The following LIMCH1 variants were observed in gnomAD, a reference collection of about 807,000 sequenced individuals.
LIMCH1 encodes the protein LIM and calponin homology domains 1.
Under a neutral mutation model 176.5 loss-of-function variants are expected in LIMCH1, and 113 were observed. The ratio of observed to expected loss-of-function variants is 0.64; its 90% CI spans 0.55 to 0.75. LIMCH1 has a LOEUF of 0.75. Ranked by LOEUF, LIMCH1 falls within the 30% of genes least tolerant of loss-of-function variation. The pLI is 0.00. For missense variants in LIMCH1, 1,674 were observed against 1,814.9 expected (o/e 0.92, Z 1.41); for synonymous variants, 619 against 645.9 (o/e 0.96, Z 0.63).
At chr4:41,543,425 T>C (rs963637024) in intron 1 of LIMCH1, among the ~76,000 whole-genome samples, 2 of 152,124 alleles carry the variant, frequency 1.3e-5, no homozygotes, top group Admixed American at 1.3e-4. Flanking sequence ...TTAAGAAAAT[T>C]GGATTTTTCA....
intron 1 of LIMCH1, among the ~76,000 whole-genome samples, chr4:41,481,446 C>T (rs962611293): frequency 1.3e-5 from 2 of 152,130 alleles, no homozygotes; most frequent in African/African-American, 4.8e-5. Flanking sequence ...TTATTTTCCT[C>T]ATCTGTAAAA....
At chr4:41,439,505 GC>G (rs2062467780) in intron 1 of LIMCH1, among the ~76,000 whole-genome samples, 1 of 152,078 alleles carries the variant, frequency 6.6e-6, no homozygotes, top group African/African-American at 2.4e-5. Flanking sequence ...GATTGTGTGA[GC>G]CCTGGAGGTC....
At chr4:41,491,635 T>C in intron 1 of LIMCH1, among the ~76,000 whole-genome samples, 1 of 136,112 alleles carries the variant, frequency 7.3e-6, no homozygotes, top group Non-Finnish European at 1.6e-5. Context: ...GCAGAGGTGC[T>C]CCTCACTTCC....
At chr4:41,608,417 AG>A (rs1216442920) in intron 4 of LIMCH1, among the ~76,000 whole-genome samples, 2 of 152,252 alleles carry the variant, frequency 1.3e-5, no homozygotes. Context: ...TTTTGTTAGG[AG>A]AGCAGATATT....
At chr4:41,361,028 C>G in intron 1 of LIMCH1, 1 of 773,128 alleles carries the variant, frequency 1.3e-6, no homozygotes, top group Non-Finnish European at 1.9e-6. Context: ...CTTGCCTCCC[C>G]CCAACCGCCC....
chr4:41,363,284 G>C (rs6447062), intron 1 of LIMCH1, among the ~76,000 whole-genome samples: 14,803 of 152,164 alleles, frequency 0.097, 1,191 homozygotes, highest in African/African-American at 0.22. Context: ...TCCCCGGGTG[G>C]GGGGGCGGAT....
intron 31 of LIMCH1, among the ~76,000 whole-genome samples, chr4:41,695,711 C>T (rs1047412624): frequency 6.6e-6 from 1 of 151,892 alleles, no homozygotes; most frequent in South Asian, 2.1e-4. Flanking sequence ...ACATTAATAT[C>T]TTTAGGCTAA....
intron 1 of LIMCH1, among the ~76,000 whole-genome samples, chr4:41,577,187 C>G (rs1259493144): frequency 6.6e-6 from 1 of 151,432 alleles, no homozygotes; most frequent in South Asian, 2.1e-4. Context: ...GTATAAAAAA[C>G]TGAAAATATT....
chr4:41,667,216 C>T (rs948887307), intron 21 of LIMCH1, among the ~76,000 whole-genome samples: 3 of 151,980 alleles, frequency 2.0e-5, no homozygotes, highest in Admixed American at 6.6e-5. Context: ...TAATTCTAGT[C>T]TTCATAAATG....
At chr4:41,569,718 AT>A (rs2083269868) in intron 1 of LIMCH1, among the ~76,000 whole-genome samples, 1 of 152,276 alleles carries the variant, frequency 6.6e-6, no homozygotes, top group African/African-American at 2.4e-5. Flanking sequence ...CAAGGACCAT[AT>A]TCAATATTGA....
At chr4:41,391,015 G>T (rs1176503414) in intron 1 of LIMCH1, among the ~76,000 whole-genome samples, 1 of 152,048 alleles carries the variant, frequency 6.6e-6, no homozygotes. Context: ...AATTAACAGT[G>T]TTTGCCACAC....
intron 3 of LIMCH1, among the ~76,000 whole-genome samples, chr4:41,524,765 G>A (rs1583483802): frequency 6.6e-6 from 1 of 152,186 alleles, no homozygotes; most frequent in East Asian, 1.9e-4. Flanking sequence ...GACCCTTGGG[G>A]GAGGAATGTG....
chr4:41,620,462 G>A lies in LIMCH1; in HGVS notation c.497G>A (p.Gly166Glu). 1 of 1,536,120 alleles carries A rather than the reference G, an allele frequency of 6.5e-7. No homozygotes were observed. The highest frequency in any genetic ancestry group is 2.4e-5 in the East Asian group (1 of 40,916). The change falls in exon 7 of 32, where the codon GGG (glycine) becomes GAG (glutamate). Residue 166 changes from glycine (G) to glutamate (E), a missense_variant. Transcript: ENST00000503057. ...ATAGAGGAAGAGGGGAGTGAAGTGGGGTCTGCTGGTGAAGACAACCCAGCT... is the reference window on the plus strand; with the variant it reads ...ATAGAGGAAGAGGGGAGTGAAGTGGAGTCTGCTGGTGAAGACAACCCAGCT... ...ETIEEEGSEV[G>E]SAGEDNPAGQ...
At chr4:41,460,478 A>ATATATATATATC (rs1410622782) in intron 1 of LIMCH1, among the ~76,000 whole-genome samples, 3 of 145,082 alleles carry the variant, frequency 2.1e-5, no homozygotes, top group African/African-American at 7.7e-5. Context: ...ATATATATAT[A>ATATATATATATC]TCTTATAATA....
At chr4:41,476,293 C>CT (rs541576133) in intron 1 of LIMCH1, among the ~76,000 whole-genome samples, 36 of 152,306 alleles carry the variant, frequency 2.4e-4, no homozygotes, top group African/African-American at 7.7e-4. Flanking sequence ...AATAACCTTG[C>CT]TTTTTTTCCT....
At chr4:41,661,394 A>G (rs759087739) in intron 18 of LIMCH1, 26 bp from the exon 19 acceptor site, 1 of 1,496,474 alleles carries the variant, frequency 6.7e-7, no homozygotes, top group South Asian at 1.1e-5. Flanking sequence ...TCATTTATTC[A>G]AGGGGGAAAA....
chr4:41,495,820 G>A (rs2072021287), intron 2 of LIMCH1, among the ~76,000 whole-genome samples: 1 of 152,118 alleles, frequency 6.6e-6, no homozygotes, highest in Non-Finnish European at 1.5e-5. Context: ...CACAGCTCCT[G>A]TCAGCATTTT....
chr4:41,684,488 C>T lies in LIMCH1; in HGVS notation c.3937C>T (p.His1313Tyr). ...GCTGGATACCGAGGCTGGGGCCCCACACTGTGGAACAAACCCACAGCTTGC... is the reference window on the plus strand; with the variant it reads ...GCTGGATACCGAGGCTGGGGCCCCATACTGTGGAACAAACCCACAGCTTGC... Reference protein sequence around the residue: ...HQLDTEAGAPHCGTNPQLAQD... With the variant: ...HQLDTEAGAPYCGTNPQLAQD... Residue 1313 changes from histidine to tyrosine, a missense_variant, in exon 27 of 32, where the codon CAC becomes TAC. Coordinates refer to ENST00000503057, the MANE Select transcript of LIMCH1 (RefSeq NM_001330672.2). 1 of 1,613,752 alleles carries T rather than the reference C, an allele frequency of 6.2e-7. No individual in the cohort carries two copies. The highest frequency in any genetic ancestry group is 8.5e-7 in the Non-Finnish European group (1 of 1,179,798).
At chr4:41,456,127 C>T (rs2064566279) in intron 1 of LIMCH1, among the ~76,000 whole-genome samples, 1 of 152,022 alleles carries the variant, frequency 6.6e-6, no homozygotes, top group Non-Finnish European at 1.5e-5. Flanking sequence ...GTGAGTTTGT[C>T]AGTGAGACGA....
Sources: allele counts gnomAD v4.1 joint callset (sites outside exome capture counted in the v4.1 genomes callset), GRCh38; gene constraint gnomAD v4.1.1; transcripts MANE v1.5; gene names NCBI Gene and HGNC (gene_info 2026-07-23, HGNC 2026-07-21).